Variants in ARNT2 observed in about 807,000 individuals in gnomAD.
ARNT2 encodes the protein aryl hydrocarbon receptor nuclear translocator 2, also known as ARNT protein 2.
Under a neutral mutation model 91.7 loss-of-function variants are expected in ARNT2, and 36 were observed. The observed-to-expected ratio is 0.39, with a 90% CI of 0.30 to 0.52. The LOEUF (loss-of-function observed/expected upper bound fraction) is 0.52. Ranked by LOEUF, ARNT2 falls within the 20% of genes least tolerant of loss-of-function variation. The probability of loss-of-function intolerance (pLI) is 0.72; values close to 1 mark genes in which losing one functional copy is unlikely to be tolerated. For synonymous variants in ARNT2, 365 were observed against 347.1 expected (o/e 1.05, Z -0.57); for missense variants, 775 against 939.3 (o/e 0.83, Z 2.29).
intron 1 of ARNT2, among the ~76,000 whole-genome samples, chr15:80,433,053 A>G (rs984647842): frequency 6.6e-6 from 1 of 152,024 alleles, no homozygotes; most frequent in Admixed American, 6.5e-5. Context: ...TTTTTGGTGA[A>G]TGATGGATGA....
chr15:80,413,132 A>C (rs906186340), intron 1 of ARNT2, among the ~76,000 whole-genome samples: 2 of 152,256 alleles, frequency 1.3e-5, no homozygotes, highest in Non-Finnish European at 2.9e-5. Context: ...AACAGGCAGG[A>C]AGTTGCCTTA....
At chr15:80,485,206 G>T (rs1896950107) in intron 5 of ARNT2, among the ~76,000 whole-genome samples, 1 of 152,206 alleles carries the variant, frequency 6.6e-6, no homozygotes, top group Non-Finnish European at 1.5e-5. Context: ...CTGTTGACAA[G>T]GGAAGATGGG....
At chr15:80,546,640 T>C (rs909721375) in intron 8 of ARNT2, among the ~76,000 whole-genome samples, 2 of 152,110 alleles carry the variant, frequency 1.3e-5, no homozygotes, top group African/African-American at 4.8e-5. Context: ...ACTAGAGACA[T>C]AGTCTTGGGT....
chr15:80,494,336 G>A (rs775582430), intron 5 of ARNT2, among the ~76,000 whole-genome samples: 11 of 152,114 alleles, frequency 7.2e-5, no homozygotes, highest in Non-Finnish European at 1.6e-4. Flanking sequence ...AGGAGGGAAG[G>A]CACGACTTGA....
chr15:80,478,245 T>C (rs965746634), intron 5 of ARNT2, among the ~76,000 whole-genome samples: 7 of 152,204 alleles, frequency 4.6e-5, no homozygotes, highest in African/African-American at 1.7e-4. Context: ...GGATGTGGCT[T>C]TTGGAAACCC....
intron 15 of ARNT2, among the ~76,000 whole-genome samples, chr15:80,579,057 G>C (rs1430998520): frequency 1.3e-5 from 2 of 152,220 alleles, no homozygotes; most frequent in African/African-American, 2.4e-5. Context: ...GGCAGCTGTA[G>C]CCCAGAGGCC....
At chr15:80,432,531 C>T (rs114521784) in intron 1 of ARNT2, among the ~76,000 whole-genome samples, 2,347 of 152,274 alleles carry the variant, frequency 0.015, 56 homozygotes, top group African/African-American at 0.053. Flanking sequence ...ACTGTGTCTA[C>T]GGTTGCTTTT....
chr15:80,458,695 A>G (rs1896513085), intron 3 of ARNT2, among the ~76,000 whole-genome samples: 1 of 151,374 alleles, frequency 6.6e-6, no homozygotes, highest in South Asian at 2.1e-4. Flanking sequence ...TGTTTAAGAT[A>G]TGGTAGGAAG....
chr15:80,562,267 C>T (rs1188538599), intron 11 of ARNT2, among the ~76,000 whole-genome samples: 3 of 152,020 alleles, frequency 2.0e-5, no homozygotes, highest in Non-Finnish European at 4.4e-5. Flanking sequence ...GGGGTTTTGC[C>T]ATGTTGGCCA....
chr15:80,531,685 C>T (rs1423663288), intron 8 of ARNT2, among the ~76,000 whole-genome samples: 1 of 152,178 alleles, frequency 6.6e-6, no homozygotes, highest in Non-Finnish European at 1.5e-5. Flanking sequence ...CGGTAAAATC[C>T]TTGAGTAGGA....
At position 80,597,092 on chromosome 15, in the gene ARNT2, T is replaced by A; in HGVS notation, c.*3394T>A. 1.9e-6 allele frequency: 1 copy of A among 514,736 alleles called. No homozygotes were observed. 31.9% of individuals were successfully genotyped at this position (514,736 alleles called of 1,614,324 possible). A position where few individuals can be genotyped will look rare whatever the true frequency, so the allele number is the denominator to read the frequency against. Reference sequence around the variant, plus strand: ...GTTAAGGAACTTACACTGGGGAGCTTTACTCTTCCGTGTCAACAATGTGAC... The same window carrying A: ...GTTAAGGAACTTACACTGGGGAGCTATACTCTTCCGTGTCAACAATGTGAC... On this transcript the variant is annotated 3_prime_UTR_variant, in exon 19 of 19. Transcript: ENST00000303329.
chr15:80,439,080 A>C (rs1173776239), intron 1 of ARNT2, among the ~76,000 whole-genome samples: 1 of 152,216 alleles, frequency 6.6e-6, no homozygotes, highest in African/African-American at 2.4e-5. Context: ...ATATGGTCAA[A>C]GATTACTGCA....
chr15:80,505,927 G>GTTTT (rs1161520898), intron 5 of ARNT2, among the ~76,000 whole-genome samples: 10 of 88,932 alleles, frequency 1.1e-4, no homozygotes, highest in South Asian at 4.4e-4. Flanking sequence ...AACATTTGTT[G>GTTTT]TTTTTTTTTT....
rs117293126 is a variant in ARNT2 at position 80,525,391 on chromosome 15, A to T, written c.877+10986A>T. On this transcript the variant is annotated intron_variant, in intron 8 of 18. Coordinates refer to ENST00000303329, the MANE Select transcript of ARNT2 (RefSeq NM_014862.4). ...GATTGTAACTACATTCTTAGCACAT[A>T]TAACACTATTTTGTGCTTACTGTTT... 8.7e-4 allele frequency among the ~76,000 whole-genome samples: 133 copies of T among 152,318 alleles called. 1 individual carries two copies. In the East Asian group the frequency reaches 0.022, roughly 25 times the overall value.
intron 1 of ARNT2, chr15:80,445,012 GATGTGACTGATGTGTGTGTGGCATGT>G (rs1896273241): frequency 6.6e-6 from 1 of 150,914 alleles, no homozygotes; most frequent in Non-Finnish European, 1.5e-5. Context: ...CATGTGTGTC[GATGTGACTGATGTGTGTGTGGCATGT>G]ATGTGAGGGT....
At position 80,508,247 on chromosome 15, in the gene ARNT2, C is replaced by A. The variant is rs754169997; in HGVS notation, c.714C>A (p.Ile238=). Residue 238 remains isoleucine, a synonymous_variant, in exon 6 of 19, where the codon ATC becomes ATA. Transcript: ENST00000303329. ...GCATGGGCTCGCGGCGGTCTTTCATCTGCAGGATGAGGTCTGTTTTGGGGG... is the reference window on the plus strand; with the variant it reads ...GCATGGGCTCGCGGCGGTCTTTCATATGCAGGATGAGGTCTGTTTTGGGGG... ...RMCMGSRRSF[I]CRMRCGNAPL... 2.5e-6 allele frequency: 4 copies of A among 1,614,064 alleles called. No individual in the cohort carries two copies. The highest frequency in any genetic ancestry group is 2.2e-5 in the East Asian group (1 of 44,872).
intron 5 of ARNT2, among the ~76,000 whole-genome samples, chr15:80,497,130 G>A (rs1328483040): frequency 6.6e-6 from 1 of 152,200 alleles, no homozygotes; most frequent in African/African-American, 2.4e-5. Context: ...CCATCCTCTG[G>A]TTATTCAATC....
intron 1 of ARNT2, 47 bp from the exon 2 acceptor site, chr15:80,450,833 G>A (rs1190534187): frequency 1.1e-5 from 17 of 1,591,284 alleles, no homozygotes; most frequent in Non-Finnish European, 1.4e-5. Flanking sequence ...GCCCGTTACT[G>A]GGCTTTTCTG....
intron 1 of ARNT2, among the ~76,000 whole-genome samples, chr15:80,446,443 G>A (rs1468185006): frequency 6.6e-6 from 1 of 152,104 alleles, no homozygotes; most frequent in East Asian, 1.9e-4. Context: ...CATGTCCTAC[G>A]TGCCATACAA....
Sources: allele counts gnomAD v4.1 joint callset (sites outside exome capture counted in the v4.1 genomes callset), GRCh38; gene constraint gnomAD v4.1.1; transcripts MANE v1.5; gene names NCBI Gene and HGNC (gene_info 2026-07-23, HGNC 2026-07-21).